Variants in GPC6 observed in about 807,000 individuals in gnomAD.
GPC6 encodes glypican 6, also known as glypican-6.
In GPC6, 14 loss-of-function variants were observed where a neutral mutation model predicts 55.2. That is an observed-to-expected ratio of 0.25 (90% CI 0.17 to 0.40). The LOEUF (loss-of-function observed/expected upper bound fraction) is 0.40. Among genes scored for constraint, GPC6 ranks in the 10% least tolerant of loss-of-function variants. The pLI, the probability that GPC6 is intolerant of heterozygous loss-of-function variation, is 1.00. For synonymous variants in GPC6, 278 were observed against 259.6 expected, an observed-to-expected ratio of 1.07 and a Z score of -0.68; for missense variants, 641 against 708.5, an observed-to-expected ratio of 0.90 and a Z score of 1.08.
In GPC6 at chr13:93,549,042, G is replaced by C. The variant is rs568070129; in HGVS notation, c.319+3621G>C. 7.9e-5 allele frequency among the ~76,000 whole-genome samples: 12 copies of C among 152,056 alleles called. No individual in the cohort carries two copies. In the East Asian group the frequency reaches 2.3e-3, roughly 29 times the overall value. ...TGTAAGCCTCTTATCCTTTGGTCTGGGTCCTGGCCACTGCAAAAGTTCTCC... is the reference window on the plus strand; with the variant it reads ...TGTAAGCCTCTTATCCTTTGGTCTGCGTCCTGGCCACTGCAAAAGTTCTCC... On this transcript the variant is annotated intron_variant, in intron 2 of 8. Coordinates refer to ENST00000377047, the MANE Select transcript of GPC6 (RefSeq NM_005708.5).
At chr13:93,446,926 C>T (rs61964181) in intron 1 of GPC6, among the ~76,000 whole-genome samples, 30,138 of 151,852 alleles carry the variant, frequency 0.2, 3,855 homozygotes, top group Middle Eastern at 0.31. Context: ...AAAATCAATG[C>T]CATTAGCAGA....
intron 1 of GPC6, chr13:93,395,421 C>A: frequency 3.6e-6 from 1 of 280,840 alleles, no homozygotes; most frequent in Admixed American, 3.8e-5. Context: ...GTTACAGAAG[C>A]AAAGCCCCAT....
At chr13:93,690,438 T>C (rs1490224938) in intron 2 of GPC6, among the ~76,000 whole-genome samples, 2 of 151,994 alleles carry the variant, frequency 1.3e-5, no homozygotes, top group South Asian at 4.1e-4. Context: ...GGAAAAAATA[T>C]ATATATATCC....
At chr13:94,013,646 A>G (rs1026926621) in intron 3 of GPC6, among the ~76,000 whole-genome samples, 2 of 152,178 alleles carry the variant, frequency 1.3e-5, no homozygotes, top group African/African-American at 4.8e-5. Context: ...CACTGTGCCT[A>G]GCCTTATGTT....
chr13:93,776,868 G>A (rs1885486645), intron 2 of GPC6, among the ~76,000 whole-genome samples: 1 of 152,190 alleles, frequency 6.6e-6, no homozygotes, highest in South Asian at 2.1e-4. Context: ...TCAGATGGCT[G>A]TGGCAATGAG....
chr13:93,971,405 A>C (rs2140394366), intron 3 of GPC6, among the ~76,000 whole-genome samples: 1 of 152,350 alleles, frequency 6.6e-6, no homozygotes, highest in Admixed American at 6.5e-5. Flanking sequence ...CCATAGTCTA[A>C]GCTCAGGCAA....
intron 2 of GPC6, among the ~76,000 whole-genome samples, chr13:93,676,126 AATATATATAT>A (rs764101821): frequency 0.025 from 375 of 15,036 alleles, no homozygotes; most frequent in East Asian, 0.041. Flanking sequence ...AAAAAAAAAA[AATATATATAT>A]ATATATATAT....
At chr13:94,312,021 A>G (rs542567885) in intron 6 of GPC6, among the ~76,000 whole-genome samples, 24 of 152,194 alleles carry the variant, frequency 1.6e-4, no homozygotes, top group Non-Finnish European at 2.6e-4. Context: ...CAGTTTCCTT[A>G]TCTAATAGTT....
Position 93,637,968 on chromosome 13 carries a change from A to G in GPC6, c.319+92547A>G, listed in dbSNP as rs147766616. 4.6e-5 allele frequency among the ~76,000 whole-genome samples: 7 copies of G among 152,246 alleles called. No homozygotes were observed. In the East Asian group the frequency reaches 1.4e-3, roughly 29 times the overall value. ...AGTCATTTTGTATTATGCAAGATGG[A>G]GTACTCACCTTAAAAAATAAAAAAT... On this transcript the variant is annotated intron_variant, in intron 2 of 8. Transcript: ENST00000377047.
In GPC6 at chr13:93,699,816, G is replaced by A. The variant is rs369308089; in HGVS notation, c.320-130338G>A. Among the ~76,000 whole-genome samples, 8 of 151,974 alleles carry A rather than the reference G, an allele frequency of 5.3e-5. 1 individual carries two copies. The highest frequency in any genetic ancestry group is 2.1e-4 in the South Asian group (1 of 4,816). On this transcript the variant is annotated intron_variant, in intron 2 of 8. Transcript: ENST00000377047. ...TATTGCTAACAAGTGGAATACATGC[G>A]TTTCATACCTATCACACTCTTTTTT...
intron 3 of GPC6, among the ~76,000 whole-genome samples, chr13:93,872,681 A>C (rs1405601822): frequency 6.6e-6 from 1 of 151,788 alleles, no homozygotes; most frequent in Non-Finnish European, 1.5e-5. Flanking sequence ...CACCCATGTG[A>C]TCCCAGATAA....
chr13:93,752,656 C>A (rs1381396469), intron 2 of GPC6, among the ~76,000 whole-genome samples: 1 of 152,070 alleles, frequency 6.6e-6, no homozygotes, highest in Non-Finnish European at 1.5e-5. Context: ...GTTGAAAGGG[C>A]ATCTGTCAGC....
chr13:93,385,086 C>T (rs537255824), intron 1 of GPC6, among the ~76,000 whole-genome samples: 11 of 152,298 alleles, frequency 7.2e-5, no homozygotes, highest in African/African-American at 2.4e-4. Flanking sequence ...AAGGAATAAA[C>T]GGTGCTGTGA....
intron 4 of GPC6, among the ~76,000 whole-genome samples, chr13:94,127,855 C>T (rs1159395986): frequency 1.3e-5 from 2 of 152,048 alleles, no homozygotes; most frequent in African/African-American, 4.8e-5. Context: ...GAGGAATAAT[C>T]ATTTCTAGCT....
At chr13:93,800,355 T>A (rs537692521) in intron 2 of GPC6, among the ~76,000 whole-genome samples, 13 of 152,198 alleles carry the variant, frequency 8.5e-5, no homozygotes, top group Non-Finnish European at 1.6e-4. Context: ...GTGAATGTGC[T>A]CGTCAGCTTG....
At chr13:93,736,029 G>T (rs971029505) in intron 2 of GPC6, among the ~76,000 whole-genome samples, 1 of 152,164 alleles carries the variant, frequency 6.6e-6, no homozygotes, top group African/African-American at 2.4e-5. Context: ...ATCCTGAAAA[G>T]GATTTTTTAA....
intron 1 of GPC6, among the ~76,000 whole-genome samples, chr13:93,434,989 G>T (rs932920033): frequency 6.6e-6 from 1 of 152,212 alleles, no homozygotes; most frequent in East Asian, 1.9e-4. Context: ...ACAGGTGTGA[G>T]CCACTATGCC....
intron 3 of GPC6, among the ~76,000 whole-genome samples, chr13:93,990,262 C>T (rs535129701): frequency 6.6e-6 from 1 of 151,630 alleles, no homozygotes; most frequent in Admixed American, 6.6e-5. Context: ...GTAATGTCTG[C>T]CTTTTTTTTT....
chr13:93,494,414 T>G (rs1369881361), intron 1 of GPC6, among the ~76,000 whole-genome samples: 4 of 151,296 alleles, frequency 2.6e-5, no homozygotes, highest in Admixed American at 6.6e-5. Context: ...AGCCTATGTG[T>G]GTCTCTGCAC....
Sources: allele counts gnomAD v4.1 joint callset (sites outside exome capture counted in the v4.1 genomes callset), GRCh38; gene constraint gnomAD v4.1.1; transcripts MANE v1.5; gene names NCBI Gene and HGNC (gene_info 2026-07-23, HGNC 2026-07-21).